Variants in LOC400499 observed in about 807,000 individuals in gnomAD.
the LOC400499 span, chr16:11,391,614 G>A: frequency 1.2e-4 from 146 of 1,220,796 alleles, 2 homozygotes; most frequent in South Asian, 3.8e-3. Flanking sequence ...CCGGTGGAGA[G>A]GGGGGACATT....
chr16:11,386,112 C>A, the LOC400499 span, among the ~76,000 whole-genome samples: 1 of 152,228 alleles, frequency 6.6e-6, no homozygotes, highest in Non-Finnish European at 1.5e-5. Flanking sequence ...GAAACATTCA[C>A]TATGTAAGTG....
At chr16:11,502,883 G>C in the LOC400499 span, among the ~76,000 whole-genome samples, 2 of 147,476 alleles carry the variant, frequency 1.4e-5, no homozygotes, top group Non-Finnish European at 3.0e-5. Flanking sequence ...CAAAGTGCTG[G>C]GATTATAGGC....
chr16:11,454,315 C>A, the LOC400499 span, among the ~76,000 whole-genome samples: 4 of 152,154 alleles, frequency 2.6e-5, no homozygotes, highest in Admixed American at 2.0e-4. Flanking sequence ...CTTGTGTTCC[C>A]CCAAAAGATT....
chr16:11,373,682 C>T, the LOC400499 span, among the ~76,000 whole-genome samples: 4 of 151,728 alleles, frequency 2.6e-5, no homozygotes, highest in East Asian at 3.9e-4. Context: ...TGCAGTGGTG[C>T]GACCTCAGTT....
At chr16:11,386,997 C>T in the LOC400499 span, 1 of 797,562 alleles carries the variant, frequency 1.3e-6, no homozygotes, top group Non-Finnish European at 1.7e-6. Context: ...CTTGGGAAGT[C>T]CAGTAAGCTC....
At chr16:11,391,941 G>A in the LOC400499 span, 1 of 724,332 alleles carries the variant, frequency 1.4e-6, no homozygotes, top group African/African-American at 1.8e-5. Flanking sequence ...GGTGAGTGGG[G>A]GCTACAAGCC....
At chr16:11,515,018 A>T in the LOC400499 span, among the ~76,000 whole-genome samples, 1 of 152,090 alleles carries the variant, frequency 6.6e-6, no homozygotes, top group African/African-American at 2.4e-5. Context: ...GGGGAAAAGG[A>T]CAGAGGGGCG....
At chr16:11,460,494 G>C in the LOC400499 span, 1 of 1,530,250 alleles carries the variant, frequency 6.5e-7, no homozygotes, top group Non-Finnish European at 8.8e-7. Context: ...CTGAAGGCTA[G>C]GATCTGTGTG....
the LOC400499 span, among the ~76,000 whole-genome samples, chr16:11,434,314 G>C: frequency 6.6e-6 from 1 of 152,174 alleles, no homozygotes; most frequent in Admixed American, 6.5e-5. Flanking sequence ...TTCAGGCCAG[G>C]AGTTCAAGAC....
At chr16:11,419,678 G>A in the LOC400499 span, among the ~76,000 whole-genome samples, 1 of 152,078 alleles carries the variant, frequency 6.6e-6, no homozygotes, top group Non-Finnish European at 1.5e-5. Flanking sequence ...TCCAAAATGG[G>A]AGAAAATTTT....
At chr16:11,405,723 G>A in the LOC400499 span, among the ~76,000 whole-genome samples, 2 of 152,136 alleles carry the variant, frequency 1.3e-5, no homozygotes, top group African/African-American at 4.8e-5. Flanking sequence ...TGCCCATTAT[G>A]GGGCTTCCTC....
the LOC400499 span, among the ~76,000 whole-genome samples, chr16:11,524,246 C>T: frequency 2.6e-4 from 34 of 129,042 alleles, no homozygotes; most frequent in African/African-American, 9.9e-4. Flanking sequence ...CCCTCCTATC[C>T]ATCTACCCAC....
the LOC400499 span, chr16:11,471,839 C>T: frequency 1.0e-5 from 4 of 399,044 alleles, no homozygotes; most frequent in Non-Finnish European, 1.3e-5. Flanking sequence ...GGTAAGCAGG[C>T]AGCACTGGTC....
At chr16:11,477,870 C>A in the LOC400499 span, 8 of 399,054 alleles carry the variant, frequency 2.0e-5, no homozygotes, top group Non-Finnish European at 3.5e-5. Context: ...TGCTGGAAGT[C>A]AGTGGTTCCT....
the LOC400499 span, among the ~76,000 whole-genome samples, chr16:11,422,560 ACCTGTTTTATGTCAC>A: frequency 2.0e-5 from 3 of 151,920 alleles, no homozygotes; most frequent in Non-Finnish European, 4.4e-5. Context: ...AAGGCCCCTC[ACCTGTTTTATGTCAC>A]CTGTTTTATG....
the LOC400499 span, among the ~76,000 whole-genome samples, chr16:11,522,744 G>C: frequency 1.3e-5 from 2 of 152,192 alleles, no homozygotes; most frequent in Non-Finnish European, 2.9e-5. Flanking sequence ...CTATCATCTT[G>C]ATGGATATCA....
At chr16:11,497,154 G>C in the LOC400499 span, among the ~76,000 whole-genome samples, 3 of 152,174 alleles carry the variant, frequency 2.0e-5, no homozygotes, top group Admixed American at 6.5e-5. Context: ...ACATGATCCA[G>C]TGTGCGTGTG....
chr16:11,419,939 AAAC>A, the LOC400499 span, among the ~76,000 whole-genome samples: 1,135 of 151,442 alleles, frequency 7.5e-3, 14 homozygotes, highest in African/African-American at 0.027. Flanking sequence ...AAAAGTCAGG[AAAC>A]AACAGATGCT....
At chr16:11,503,608 G>T in the LOC400499 span, among the ~76,000 whole-genome samples, 5 of 152,222 alleles carry the variant, frequency 3.3e-5, no homozygotes, top group Non-Finnish European at 4.4e-5. Flanking sequence ...GCTGTGTGTG[G>T]CTGTGACAGA....
Sources: allele counts gnomAD v4.1 joint callset (sites outside exome capture counted in the v4.1 genomes callset), GRCh38; gene constraint gnomAD v4.1.1; transcripts MANE v1.5.